Variants in FYN observed in about 807,000 individuals in gnomAD.
The protein encoded by FYN is FYN proto-oncogene, Src family tyrosine kinase, also known as tyrosine-protein kinase Fyn.
Under a neutral mutation model 70.2 loss-of-function variants are expected in FYN, and 10 were observed. The ratio of observed to expected loss-of-function variants is 0.14; its 90% CI spans 0.09 to 0.24. The LOEUF (loss-of-function observed/expected upper bound fraction) is 0.24, where lower values mean the gene tolerates loss of function less well. Ranked by LOEUF, FYN falls within the 10% of genes least tolerant of loss-of-function variation. The pLI, the probability that FYN is intolerant of heterozygous loss-of-function variation, is 1.00. For synonymous variants in FYN, 236 were observed against 248.6 expected (o/e 0.95, Z 0.48); for missense variants, 319 against 673.1 (o/e 0.47, Z 5.82).
intron 12 of FYN, among the ~76,000 whole-genome samples, chr6:111,691,984 C>G (rs769284579): frequency 6.6e-6 from 1 of 152,092 alleles, no homozygotes; most frequent in African/African-American, 2.4e-5. Context: ...TCCTCTCAGG[C>G]CTGGCACTTG....
intron 1 of FYN, among the ~76,000 whole-genome samples, chr6:111,860,773 A>G (rs759007283): frequency 2.6e-5 from 4 of 152,176 alleles, no homozygotes; most frequent in African/African-American, 7.2e-5. Flanking sequence ...GACACTCCTC[A>G]TCCTCACTAG....
rs1294520439 is a variant in FYN at position 111,719,948 on chromosome 6, G to A, written c.104C>T (p.Thr35Ile). 1 of 1,614,202 alleles carries A rather than the reference G, an allele frequency of 6.2e-7. No individual in the cohort carries two copies. Reference protein sequence around the residue: ...SSGYRYGTDPTPQHYPSFGVT... With the variant: ...SSGYRYGTDPIPQHYPSFGVT... ...ACCGAAGCTGGGGTAGTGCTGAGGG[G>A]TGGGGTCTGTGCCATAGCGGTACCC... Residue 35 changes from threonine to isoleucine, a missense_variant, in exon 4 of 14, where the codon ACC becomes ATC. This residue lies in a region of FYN where 128 missense variants were observed against 183.9 expected (regional missense o/e 0.70). Coordinates refer to ENST00000354650, the MANE Select transcript of FYN (RefSeq NM_002037.5).
At chr6:111,863,914 GT>G (rs1774033209) in intron 1 of FYN, among the ~76,000 whole-genome samples, 1 of 152,102 alleles carries the variant, frequency 6.6e-6, no homozygotes, top group Non-Finnish European at 1.5e-5. Flanking sequence ...GACTCCCTAT[GT>G]TTGCTTCCTT....
At chr6:111,702,525 G>A (rs978194301) in intron 8 of FYN, 2 of 173,784 alleles carry the variant, frequency 1.2e-5, no homozygotes, top group African/African-American at 4.8e-5. Context: ...TTCCTTGTAG[G>A]AGTCCCCATG....
intron 2 of FYN, among the ~76,000 whole-genome samples, chr6:111,794,152 T>C (rs1409839): frequency 0.31 from 47,558 of 152,142 alleles, 12,141 homozygotes; most frequent in African/African-American, 0.71. Context: ...TTGGTCACTC[T>C]GTTTCCCTGG....
chr6:111,733,432 G>A (rs1193900527), intron 3 of FYN, among the ~76,000 whole-genome samples: 2 of 152,150 alleles, frequency 1.3e-5, no homozygotes, highest in African/African-American at 2.4e-5. Context: ...TCTGCTCCTA[G>A]CCATTTTCTA....
At chr6:111,827,600 C>T (rs547854464) in intron 2 of FYN, among the ~76,000 whole-genome samples, 5 of 152,278 alleles carry the variant, frequency 3.3e-5, no homozygotes, top group East Asian at 3.9e-4. Context: ...TGGGGGTATA[C>T]GACAGCTTTT....
chr6:111,828,437 TC>T (rs1288812044), intron 2 of FYN, among the ~76,000 whole-genome samples: 4 of 152,308 alleles, frequency 2.6e-5, no homozygotes, highest in Non-Finnish European at 5.9e-5. Context: ...AAACGGGGTC[TC>T]CAAAAGATAT....
rs1799468651 is a variant in FYN, at chr6:111,694,088, C to T, written c.1273+287G>A. ...TTCTCCAAAAACAGAGTATTCTAGGCCTGGACGCTGTGAGGAGACCAGCAT... is the reference window on the plus strand; with the variant it reads ...TTCTCCAAAAACAGAGTATTCTAGGTCTGGACGCTGTGAGGAGACCAGCAT... On this transcript the variant is annotated intron_variant, in intron 12 of 13. Transcript: ENST00000354650. This position sits in a 1 kb window ranked among gnomAD's most constrained non-coding sequence, Gnocchi z 5.0. Among the ~76,000 whole-genome samples the T allele has an allele frequency of 6.6e-6, 1 of 152,060 alleles. No homozygotes were observed. The highest frequency in any genetic ancestry group is 1.5e-5 in the Non-Finnish European group (1 of 68,014).
intron 2 of FYN, among the ~76,000 whole-genome samples, chr6:111,842,378 C>T (rs1773388317): frequency 6.6e-6 from 1 of 152,288 alleles, no homozygotes; most frequent in East Asian, 1.9e-4. Context: ...TGCAACCCGC[C>T]CATGCCCACT....
At chr6:111,782,463 C>A (rs966242791) in intron 2 of FYN, among the ~76,000 whole-genome samples, 13 of 152,128 alleles carry the variant, frequency 8.5e-5, no homozygotes, top group Admixed American at 6.5e-5. Flanking sequence ...GTAGATGGGA[C>A]ACCTAAGCAT....
chr6:111,871,619 G>A (rs1196520219), intron 1 of FYN, among the ~76,000 whole-genome samples: 2 of 152,336 alleles, frequency 1.3e-5, no homozygotes, highest in East Asian at 1.9e-4. Flanking sequence ...CTTGAGAGAA[G>A]AAGCCATTCA....
chr6:111,701,976 T>C (rs1168199779), intron 8 of FYN, among the ~76,000 whole-genome samples: 1 of 152,200 alleles, frequency 6.6e-6, no homozygotes, highest in African/African-American at 2.4e-5. Context: ...ATTTCAATGA[T>C]TGTGCACAGA....
At chr6:111,782,035 C>G (rs1454746591) in intron 2 of FYN, among the ~76,000 whole-genome samples, 1 of 152,142 alleles carries the variant, frequency 6.6e-6, no homozygotes, top group East Asian at 1.9e-4. Flanking sequence ...ATGATGAGAT[C>G]ATGTTTTTCC....
intron 13 of FYN, among the ~76,000 whole-genome samples, chr6:111,665,336 GGTTT>G (rs1367766690): frequency 6.6e-6 from 1 of 151,782 alleles, no homozygotes; most frequent in Non-Finnish European, 1.5e-5. Context: ...TGAAAATCAT[GGTTT>G]TTTTAAATAA....
intron 2 of FYN, among the ~76,000 whole-genome samples, chr6:111,825,102 G>A (rs1474697178): frequency 1.3e-5 from 2 of 152,170 alleles, no homozygotes; most frequent in African/African-American, 4.8e-5. Context: ...TAGGAATGGT[G>A]GTCCACAGGC....
chr6:111,692,311 G>A (rs532528909), intron 12 of FYN, among the ~76,000 whole-genome samples: 9 of 152,116 alleles, frequency 5.9e-5, no homozygotes, highest in Non-Finnish European at 1.3e-4. Context: ...GGGCTCTGAC[G>A]GCACCTGGGG....
intron 13 of FYN, among the ~76,000 whole-genome samples, chr6:111,662,414 A>G (rs1797787736): frequency 6.6e-6 from 1 of 152,114 alleles, no homozygotes; most frequent in South Asian, 2.1e-4. Context: ...GTCACATATG[A>G]TCCCTGTCTT....
At chr6:111,769,737 A>AC (rs201640561) in intron 3 of FYN, among the ~76,000 whole-genome samples, 3,520 of 152,288 alleles carry the variant, frequency 0.023, 77 homozygotes, top group African/African-American at 0.051. Context: ...ATTAAAAAAA[A>AC]ACACACACAC....
Sources: allele counts gnomAD v4.1 joint callset (sites outside exome capture counted in the v4.1 genomes callset), GRCh38; gene constraint gnomAD v4.1.1; regional missense constraint gnomAD v4.1.1; non-coding constraint Gnocchi (gnomAD v3.1); transcripts MANE v1.5; gene names NCBI Gene and HGNC (gene_info 2026-07-23, HGNC 2026-07-21).